PREX2: variants seen among roughly 807,000 people sequenced by gnomAD.
The protein encoded by PREX2 is phosphatidylinositol 3,4,5-trisphosphate-dependent Rac exchanger 2 protein.
PREX2 carries 107 observed loss-of-function variants against 203.2 expected under a neutral mutation model. The observed-to-expected ratio is 0.53, with a 90% CI of 0.45 to 0.62. The LOEUF (loss-of-function observed/expected upper bound fraction) is 0.62, where lower values mean the gene tolerates loss of function less well. Ranked by LOEUF, PREX2 falls within the 20% of genes least tolerant of loss-of-function variation. The pLI is 0.00. For synonymous variants in PREX2, 672 were observed against 663.6 expected, an observed-to-expected ratio of 1.01 and a Z score of -0.19; for missense variants, 1,777 against 1,955.9, an observed-to-expected ratio of 0.91 and a Z score of 1.72.
intron 38 of PREX2, among the ~76,000 whole-genome samples, chr8:68,219,262 A>G (rs899443256): frequency 6.6e-6 from 1 of 152,128 alleles, no homozygotes; most frequent in African/African-American, 2.4e-5. Context: ...AATTATATCA[A>G]ATACGTTAAC....
chr8:67,987,864 G>T (rs1806481318), intron 1 of PREX2, among the ~76,000 whole-genome samples: 5 of 151,926 alleles, frequency 3.3e-5, no homozygotes, highest in Non-Finnish European at 7.4e-5. Flanking sequence ...CCCCACATCA[G>T]GTATTTGTGG....
At chr8:68,169,723 C>A (rs1811837302) in intron 35 of PREX2, among the ~76,000 whole-genome samples, 1 of 152,122 alleles carries the variant, frequency 6.6e-6, no homozygotes. Context: ...ATTAGGCCAT[C>A]TGAGTCAATG....
At chr8:68,058,730 C>T (rs7844206) in intron 10 of PREX2, among the ~76,000 whole-genome samples, 45,195 of 151,978 alleles carry the variant, frequency 0.3, 6,881 homozygotes, top group Admixed American at 0.32. Context: ...CCACTTTGCC[C>T]GGCCCGACAT....
chr8:68,098,938 G>GTATGTATA (rs1554577009), intron 22 of PREX2, among the ~76,000 whole-genome samples: 8 of 109,820 alleles, frequency 7.3e-5, no homozygotes, highest in African/African-American at 2.7e-4. Flanking sequence ...ATATATATGT[G>GTATGTATA]TATATATATA....
chr8:68,029,399 G>A (rs1035179346), intron 5 of PREX2, among the ~76,000 whole-genome samples: 1 of 152,094 alleles, frequency 6.6e-6, no homozygotes, highest in Non-Finnish European at 1.5e-5. Flanking sequence ...AAGCCTGCAT[G>A]TCTCACTTAT....
intron 6 of PREX2, among the ~76,000 whole-genome samples, chr8:68,035,391 T>A (rs1049422926): frequency 6.6e-6 from 1 of 152,180 alleles, no homozygotes. Context: ...TGTCTGCTGA[T>A]GCATTGTATA....
chr8:67,987,473 G>A (rs984300459), intron 1 of PREX2, among the ~76,000 whole-genome samples: 1 of 152,050 alleles, frequency 6.6e-6, no homozygotes, highest in African/African-American at 2.4e-5. Context: ...TGTGCACTGG[G>A]GCAAAATTTC....
chr8:68,063,098 C>T (rs1003378660), intron 11 of PREX2, among the ~76,000 whole-genome samples: 1 of 152,006 alleles, frequency 6.6e-6, no homozygotes, highest in African/African-American at 2.4e-5. Flanking sequence ...AGGCTAAAAG[C>T]ATCATTTAAA....
rs754057172 is a variant in PREX2 at position 68,017,933 on chromosome 8, T to G, written c.213+16T>G. 1.0e-5 allele frequency: 16 copies of G among 1,604,570 alleles called. No individual in the cohort carries two copies. The East Asian group carries it at 3.6e-4, about 36-fold the overall frequency. ...AACAGTGAAGGTGAGGAGGTACAACTGGCCTTCAACCTGAGCATGAGTTTC... is the reference window on the plus strand; with the variant it reads ...AACAGTGAAGGTGAGGAGGTACAACGGGCCTTCAACCTGAGCATGAGTTTC... On this transcript the variant is annotated intron_variant, in intron 2 of 39. Coordinates refer to ENST00000288368, the MANE Select transcript of PREX2 (RefSeq NM_024870.4).
At position 68,127,501 on chromosome 8, in the gene PREX2, C is replaced by T. The variant is rs190911028; in HGVS notation, c.3766+82C>T. 192 of 875,300 alleles carry T rather than the reference C, an allele frequency of 2.2e-4. 1 individual carries two copies. The highest frequency in any genetic ancestry group is 5.6e-4 in the Admixed American group (29 of 51,606). 54.2% of individuals were successfully genotyped at this position (875,300 alleles called of 1,614,324 possible). A position where few individuals can be genotyped will look rare whatever the true frequency, so the allele number is the denominator to read the frequency against. On this transcript the variant is annotated intron_variant, in intron 31 of 39. Transcript: ENST00000288368. ...TAAAGGCCTTGAAATTTGAGGACAA[C>T]GCCTTCAACCATTTACAAAATAGAA...
intron 23 of PREX2, among the ~76,000 whole-genome samples, chr8:68,102,463 T>C (rs2129612640): frequency 6.6e-6 from 1 of 152,334 alleles, no homozygotes; most frequent in East Asian, 1.9e-4. Context: ...CTTTTCAATT[T>C]GAATAAGATT....
intron 25 of PREX2, among the ~76,000 whole-genome samples, chr8:68,115,012 CT>C (rs1810616263): frequency 7.9e-6 from 1 of 127,168 alleles, no homozygotes; most frequent in Admixed American, 8.1e-5. Flanking sequence ...TCTTTCTTTT[CT>C]TTTCTTTCTT....
chr8:68,191,699 A>G (rs1389996183), intron 35 of PREX2, 23 bp from the exon 36 acceptor site: 1 of 1,554,806 alleles, frequency 6.4e-7, no homozygotes, highest in East Asian at 2.2e-5. Context: ...ACAAATGATA[A>G]TTTATTTCTT....
intron 3 of PREX2, among the ~76,000 whole-genome samples, chr8:68,020,029 A>G (rs922198995): frequency 6.6e-6 from 1 of 152,200 alleles, no homozygotes; most frequent in East Asian, 1.9e-4. Flanking sequence ...CATTCCTATA[A>G]TGGCACGATG....
chr8:68,133,486 A>G (rs560800312), intron 31 of PREX2, among the ~76,000 whole-genome samples: 2 of 152,366 alleles, frequency 1.3e-5, no homozygotes, highest in South Asian at 4.1e-4. Flanking sequence ...ATATATTAGA[A>G]CATACTTATA....
At chr8:68,118,926 C>T in intron 27 of PREX2, 1 of 578,726 alleles carries the variant, frequency 1.7e-6, no homozygotes, top group Admixed American at 1.9e-5. Context: ...ATTATAGGTA[C>T]ACAGGAAATA....
rs10081458 is a variant in PREX2, at chr8:68,218,341, G to C, written c.4707+623G>C. Among the ~76,000 whole-genome samples the C allele has an allele frequency of 2.7e-3, 408 of 152,194 alleles. 4 individuals carry two copies. The highest frequency in any genetic ancestry group is 9.6e-3 in the African/African-American group (400 of 41,516). On this transcript the variant is annotated intron_variant, in intron 38 of 39. Coordinates refer to ENST00000288368, the MANE Select transcript of PREX2 (RefSeq NM_024870.4). ...ATAGTATTCTAAGTGTGGCGGTTTA[G>C]TTTTTACCCCTTAAAGTTATTTTAA...
chr8:68,122,647 T>C (rs1037229285), intron 30 of PREX2, among the ~76,000 whole-genome samples: 17 of 152,068 alleles, frequency 1.1e-4, no homozygotes, highest in African/African-American at 4.1e-4. Context: ...GAGAAATCCT[T>C]AAATCATCTC....
chr8:68,017,076 CT>C (rs1807427612), intron 1 of PREX2, among the ~76,000 whole-genome samples: 2 of 152,036 alleles, frequency 1.3e-5, no homozygotes, highest in Admixed American at 1.3e-4. Context: ...TTTTTCTCCC[CT>C]AAACTTTCTT....
Sources: gnomAD v4.1 joint callset for allele counts (sites outside exome capture counted in the v4.1 genomes callset) on GRCh38, gnomAD v4.1.1 for gene constraint, MANE v1.5 for transcripts, NCBI Gene and HGNC (gene_info 2026-07-23, HGNC 2026-07-21) for gene names.